BBOF1: variants seen among roughly 807,000 people sequenced by gnomAD.
BBOF1 encodes the protein basal body-orientation factor 1.
In BBOF1, 62 loss-of-function variants were observed where a neutral mutation model predicts 68.0. The observed-to-expected ratio is 0.91, with a 90% CI of 0.74 to 1.13. The LOEUF (loss-of-function observed/expected upper bound fraction) is 1.13. BBOF1 is among the 50% of genes most tolerant of loss of function. BBOF1 has a pLI of 0.00. For missense variants in BBOF1, 534 were observed against 600.1 expected (o/e 0.89, Z 1.15); for synonymous variants, 208 against 198.8 (o/e 1.05, Z -0.39).
chr14:74,063,111 G>A (rs969277363), intron 11 of BBOF1, among the ~76,000 whole-genome samples: 14 of 151,876 alleles, frequency 9.2e-5, no homozygotes, highest in South Asian at 2.1e-4. Flanking sequence ...GCCCATTTCC[G>A]CTGTCTGAAT....
At chr14:74,074,326 C>T (rs1420071933) in intron 9 of BBOF1, among the ~76,000 whole-genome samples, 1 of 143,702 alleles carries the variant, frequency 7.0e-6, no homozygotes, top group Non-Finnish European at 1.5e-5. Flanking sequence ...CTCGCTCTGT[C>T]ATCAGGCTGG....
At chr14:74,047,846 G>T in intron 6 of BBOF1, 84 bp from the exon 7 acceptor site, 2 of 1,189,154 alleles carry the variant, frequency 1.7e-6, no homozygotes, top group Non-Finnish European at 1.2e-6. Context: ...AATATTGGGG[G>T]TGCAGGTGGT....
rs1595129937 is a variant in BBOF1, at chr14:74,074,888, G to C, written n.1380-3308G>C. 5.4e-6 allele frequency: 8 copies of C among 1,494,314 alleles called. No homozygotes were observed. The East Asian group carries it at 1.8e-4, about 34-fold the overall frequency. The allele number at this position is 1,494,314 out of a possible 1,614,324, so 92.6% of individuals were successfully genotyped here. On this transcript the variant is annotated intron_variant and non_coding_transcript_variant, in intron 9 of 12. Coordinates refer to the BBOF1 transcript ENST00000492026. The stretch of plus-strand genomic sequence containing the variant: ...ACTCTGATGACAATTATGTAAAGAA[G>C]ATAGAGATACCCAAAACTATACTGA...
At chr14:74,048,204 CT>C (rs1030648790) in intron 7 of BBOF1, 130 bp downstream of exon 7, 2 of 766,852 alleles carry the variant, frequency 2.6e-6, no homozygotes, top group Non-Finnish European at 4.1e-6. Context: ...GGATGATGCA[CT>C]TTTTTTATCT....
rs759430171 is a variant in BBOF1, at chr14:74,055,666, A to G, written c.1369A>G (p.Met457Val). The change falls in exon 9 of 12, where the codon ATG (methionine) becomes GTG (valine). Residue 457 changes from methionine to valine, a missense_variant. Physicochemically the swap from Met to Val is conservative, Grantham distance 21. Coordinates refer to ENST00000394009, the MANE Select transcript of BBOF1 (RefSeq NM_025057.3). Reference protein sequence around the residue: ...EKVLRLLFAKMNGCPSRKYNQ... With the variant: ...EKVLRLLFAKVNGCPSRKYNQ... ...AGTATTGCGATTGCTCTTTGCAAAA[A>G]TGAATGGCTGTCCTTCTAGGTAACT... The G allele has an allele frequency of 6.2e-7, 1 of 1,613,596 alleles. No individual in the cohort carries two copies. The highest frequency in any genetic ancestry group is 2.2e-5 in the East Asian group (1 of 44,856).
chr14:74,052,044 A>T (rs1386842720), intron 8 of BBOF1, among the ~76,000 whole-genome samples: 1 of 151,864 alleles, frequency 6.6e-6, no homozygotes, highest in Non-Finnish European at 1.5e-5. Context: ...ACTTCTTGTC[A>T]TATTCAGAAA....
chr14:74,064,700 G>A lies in BBOF1; in HGVS notation c.*1G>A. ...AAATCTTTTTTAGGGAACCTTCTGA[G>A]AAGCACTGATTATGACCTCACAGAT... is the stretch of plus-strand genomic sequence containing the variant. On this transcript the variant is annotated 3_prime_UTR_variant, in exon 12 of 12. Coordinates refer to ENST00000394009, the MANE Select transcript of BBOF1 (RefSeq NM_025057.3). 8.1e-6 allele frequency: 13 copies of A among 1,614,080 alleles called. No homozygotes were observed. Among genetic ancestry groups the A allele is most frequent in the Non-Finnish European group, 1.1e-5 (13 of 1,179,972 alleles).
intron 11 of BBOF1, among the ~76,000 whole-genome samples, chr14:74,061,938 G>A (rs746973406): frequency 2.6e-5 from 4 of 151,704 alleles, no homozygotes; most frequent in Non-Finnish European, 4.4e-5. Flanking sequence ...AGCCAGGAGC[G>A]GTGGCTCACA....
At position 74,024,419 on chromosome 14, in the gene BBOF1, G is replaced by A. The variant is rs138178646; in HGVS notation, c.285+1275G>A. ...TGCAGTGAGCCATGGTCATGTCACGGCAGTCCAACCTGGACATCAGAGCAA... is the reference window on the plus strand; with the variant it reads ...TGCAGTGAGCCATGGTCATGTCACGACAGTCCAACCTGGACATCAGAGCAA... On this transcript the variant is annotated intron_variant, in intron 2 of 11. Coordinates refer to ENST00000394009, the MANE Select transcript of BBOF1 (RefSeq NM_025057.3). Among the ~76,000 whole-genome samples, 511 of 152,246 alleles carry A rather than the reference G, an allele frequency of 3.4e-3. 7 individuals carry two copies. The highest frequency in any genetic ancestry group is 0.029 in the South Asian group (140 of 4,816).
Position 74,047,930 on chromosome 14 carries a change from G to GATCTTATAT in BBOF1, c.648_649insATCTTATAT (p.Val216_Gln217insIleLeuTyr), listed in dbSNP as rs1205724689. 1 of 1,595,254 alleles carries GATCTTATAT rather than the reference G, an allele frequency of 6.3e-7. No individual in the cohort carries two copies. The highest frequency in any genetic ancestry group is 2.2e-5 in the East Asian group (1 of 44,716). On this transcript the variant is annotated inframe_insertion and splice_region_variant, in exon 7 of 12. Transcript: ENST00000394009. Reference sequence around the variant, plus strand: ...TTTTGAGATCTTATATCTATTTCAGGCAATTGAACGATGCTGGAAGAAATG... The same window carrying GATCTTATAT: ...TTTTGAGATCTTATATCTATTTCAGGATCTTATATCAATTGAACGATGCTGGAAGAAATG...
intron 11 of BBOF1, chr14:74,058,035 A>G (rs918706640): frequency 7.7e-5 from 41 of 533,854 alleles, no homozygotes; most frequent in Non-Finnish European, 9.8e-5. Flanking sequence ...TGGATTAAAT[A>G]TCACTACCAG....
At chr14:74,034,474 A>T (rs537317254) in intron 4 of BBOF1, among the ~76,000 whole-genome samples, 2 of 152,346 alleles carry the variant, frequency 1.3e-5, no homozygotes, top group Non-Finnish European at 2.9e-5. Context: ...AGTTCTTAGA[A>T]AACCTCAGGG....
downstream of BBOF1, among the ~76,000 whole-genome samples, chr14:74,066,252 T>A (rs2060462584): frequency 6.6e-6 from 1 of 152,200 alleles, no homozygotes; most frequent in Admixed American, 6.6e-5. Flanking sequence ...GTGGGCCAAA[T>A]GTGGCTTCCT....
chr14:74,043,031 C>A (rs1242899130), intron 5 of BBOF1, among the ~76,000 whole-genome samples: 3 of 152,078 alleles, frequency 2.0e-5, no homozygotes, highest in Admixed American at 6.6e-5. Context: ...ATGTTAGGTA[C>A]AAACTTCATG....
intron 11 of BBOF1, chr14:74,060,652 A>G (rs985938934): frequency 1.9e-6 from 3 of 1,610,640 alleles, no homozygotes; most frequent in East Asian, 2.2e-5. Context: ...CTAACGGCCC[A>G]TGGTAGGCAT....
chr14:74,066,861 G>A, downstream of BBOF1: 2 of 1,613,954 alleles, frequency 1.2e-6, no homozygotes, highest in Non-Finnish European at 8.5e-7. Context: ...TGATCAGAGG[G>A]CCAAGATCAG....
At chr14:74,067,359 G>T (rs759955438), downstream of BBOF1, 6 of 1,612,082 alleles carry the variant, frequency 3.7e-6, no homozygotes, top group East Asian at 1.3e-4. Flanking sequence ...ATCTAAGGGG[G>T]CAAGTCAGGT....
intron 3 of BBOF1, among the ~76,000 whole-genome samples, chr14:74,033,473 G>A (rs1284425111): frequency 6.6e-6 from 1 of 152,156 alleles, no homozygotes; most frequent in Admixed American, 6.6e-5. Flanking sequence ...GGAGGCTGAG[G>A]CAGGGAGAAT....
At chr14:74,073,917 CAA>C (rs5809643) in intron 9 of BBOF1, among the ~76,000 whole-genome samples, 28 of 76,966 alleles carry the variant, frequency 3.6e-4, no homozygotes, top group Admixed American at 6.0e-4. Flanking sequence ...GACTCCATCT[CAA>C]AAAAAAAAAA....
Sources: gnomAD v4.1 joint callset for allele counts (sites outside exome capture counted in the v4.1 genomes callset) on GRCh38, gnomAD v4.1.1 for gene constraint, MANE v1.5 for transcripts, NCBI Gene and HGNC (gene_info 2026-07-23, HGNC 2026-07-21) for gene names.